GAS2: variants seen among roughly 807,000 people sequenced by gnomAD.
The protein encoded by GAS2 is growth arrest specific 2.
A neutral mutation model predicts 37.5 loss-of-function variants in GAS2; 20 were observed. The ratio of observed to expected loss-of-function variants is 0.53; its 90% confidence interval spans 0.37 to 0.77. The LOEUF (loss-of-function observed/expected upper bound fraction) is 0.77. Among genes scored for constraint, GAS2 ranks in the 30% least tolerant of loss-of-function variants. GAS2 has a pLI of 0.00. For missense variants in GAS2, 336 were observed against 373.4 expected (o/e 0.90, Z 0.82); for synonymous variants, 144 against 132.2 (o/e 1.09, Z -0.61).
At chr11:22,645,011 A>G (rs910888253) in intron 1 of GAS2, among the ~76,000 whole-genome samples, 2 of 152,170 alleles carry the variant, frequency 1.3e-5, no homozygotes, top group African/African-American at 4.8e-5. Flanking sequence ...TTGATGCTGT[A>G]CATAGAGGAG....
chr11:22,782,525 G>A (rs2134499921), intron 7 of GAS2, among the ~76,000 whole-genome samples: 1 of 152,076 alleles, frequency 6.6e-6, no homozygotes, highest in Non-Finnish European at 1.5e-5. Flanking sequence ...AGTAAGCATA[G>A]TATCCAACAG....
intron 6 of GAS2, among the ~76,000 whole-genome samples, chr11:22,755,028 G>T (rs971236894): frequency 6.6e-5 from 10 of 152,066 alleles, no homozygotes; most frequent in African/African-American, 2.4e-4. Flanking sequence ...AGAGTGGGTG[G>T]TTCCCCATCA....
intron 1 of GAS2, among the ~76,000 whole-genome samples, chr11:22,647,020 C>A (rs2133825076): frequency 6.6e-6 from 1 of 151,568 alleles, no homozygotes; most frequent in African/African-American, 2.4e-5. Context: ...GCACTGCACC[C>A]ACTAACTCGT....
chr11:22,800,361 A>G (rs546022809), intron 7 of GAS2, among the ~76,000 whole-genome samples: 1 of 152,082 alleles, frequency 6.6e-6, no homozygotes, highest in Non-Finnish European at 1.5e-5. Context: ...CACATTGCCA[A>G]TTTACTGTAA....
rs545247566 is a variant in GAS2, at chr11:22,719,173, G to C, written c.268-7119G>C. ...ATCACTCCACTTATTTTTTTCTGACGAGAACGTTTAAAATCTTCTCTCTTA... is the reference window on the plus strand; with the variant it reads ...ATCACTCCACTTATTTTTTTCTGACCAGAACGTTTAAAATCTTCTCTCTTA... On this transcript the variant is annotated intron_variant, in intron 3 of 7. Transcript: ENST00000454584. Among the ~76,000 whole-genome samples, 5 of 151,722 alleles carry C rather than the reference G, an allele frequency of 3.3e-5. No individual in the cohort carries two copies. The South Asian group carries it at 1.0e-3, about 32-fold the overall frequency.
intron 3 of GAS2, among the ~76,000 whole-genome samples, chr11:22,711,021 C>T (rs1590687176): frequency 6.6e-6 from 1 of 152,176 alleles, no homozygotes; most frequent in African/African-American, 2.4e-5. Context: ...TGGAGACTCA[C>T]ATTGTGAACT....
At chr11:22,700,084 A>T (rs1850752506) in intron 3 of GAS2, among the ~76,000 whole-genome samples, 1 of 151,632 alleles carries the variant, frequency 6.6e-6, no homozygotes, top group Non-Finnish European at 1.5e-5. Context: ...CTGCATGTTA[A>T]CCCCTCTTTC....
At chr11:22,668,859 T>C (rs1482383534) in intron 1 of GAS2, among the ~76,000 whole-genome samples, 1 of 152,170 alleles carries the variant, frequency 6.6e-6, no homozygotes, top group East Asian at 1.9e-4. Flanking sequence ...TTTGGTATCT[T>C]TGTGGTTTTG....
At chr11:22,694,089 A>G (rs927099280) in intron 3 of GAS2, among the ~76,000 whole-genome samples, 3 of 152,192 alleles carry the variant, frequency 2.0e-5, no homozygotes, top group African/African-American at 7.2e-5. Flanking sequence ...GGGTGATTAA[A>G]TAATCTGCAC....
chr11:22,763,800 G>A (rs1359210451), intron 7 of GAS2, among the ~76,000 whole-genome samples: 1 of 152,122 alleles, frequency 6.6e-6, no homozygotes, highest in Non-Finnish European at 1.5e-5. Flanking sequence ...AGTGCTCTAA[G>A]CCATAGTAAG....
At chr11:22,789,577 T>C (rs1236614205) in intron 7 of GAS2, among the ~76,000 whole-genome samples, 1 of 144,318 alleles carries the variant, frequency 6.9e-6, no homozygotes, top group Non-Finnish European at 1.5e-5. Context: ...TTCTCCTGCC[T>C]CAGCCTCCCG....
At chr11:22,757,804 A>G (rs1854132101) in intron 7 of GAS2, among the ~76,000 whole-genome samples, 1 of 152,172 alleles carries the variant, frequency 6.6e-6, no homozygotes, top group African/African-American at 2.4e-5. Context: ...TCTTGAACAT[A>G]TATTGATTGA....
intron 2 of GAS2, among the ~76,000 whole-genome samples, chr11:22,677,448 A>G (rs1438878087): frequency 6.6e-6 from 1 of 152,254 alleles, no homozygotes; most frequent in African/African-American, 2.4e-5. Context: ...AATCATATTA[A>G]GGAGCTTATA....
At chr11:22,656,250 T>C (rs1026933990) in intron 1 of GAS2, among the ~76,000 whole-genome samples, 2 of 152,236 alleles carry the variant, frequency 1.3e-5, no homozygotes, top group African/African-American at 4.8e-5. Flanking sequence ...CCTGAAACTT[T>C]TCATCATCTC....
chr11:22,706,867 G>A (rs954427839), intron 3 of GAS2, among the ~76,000 whole-genome samples: 4 of 152,170 alleles, frequency 2.6e-5, no homozygotes, highest in African/African-American at 9.6e-5. Context: ...GGATGGCTGG[G>A]TCAAATGGTA....
In GAS2 at chr11:22,766,519, C is replaced by T. The variant is rs143901647; in HGVS notation, c.723+10566C>T. Among the ~76,000 whole-genome samples, 80 of 152,268 alleles carry T rather than the reference C, an allele frequency of 5.3e-4. 1 individual carries two copies. Among genetic ancestry groups the T allele is most frequent in the African/African-American group, 1.9e-3 (79 of 41,562 alleles). On this transcript the variant is annotated intron_variant, in intron 7 of 7. Transcript: ENST00000454584. ...AATCCATTAGTAATTTACCTATACTCAATGCATAGCTCCTAGTTTGCTTAT... is the reference window on the plus strand; with the variant it reads ...AATCCATTAGTAATTTACCTATACTTAATGCATAGCTCCTAGTTTGCTTAT...
At position 22,644,479 on chromosome 11, in the gene GAS2, T is replaced by C. The variant is rs1045670650; in HGVS notation, c.-21+18666T>C. On this transcript the variant is annotated intron_variant, in intron 1 of 5. Coordinates refer to the GAS2 transcript ENST00000528582. Reference sequence around the variant, plus strand: ...ATTTGAGGGAACCACTCTAAGGGAATAGAGAGATATTTGAAGTCAAAACTA... The same window carrying C: ...ATTTGAGGGAACCACTCTAAGGGAACAGAGAGATATTTGAAGTCAAAACTA... Among the ~76,000 whole-genome samples the C allele has an allele frequency of 2.2e-4, 33 of 152,220 alleles. 1 individual carries two copies. The highest frequency in any genetic ancestry group is 2.1e-3 in the Admixed American group (32 of 15,282).
At chr11:22,697,328 G>T (rs192060585) in intron 3 of GAS2, among the ~76,000 whole-genome samples, 1 of 152,124 alleles carries the variant, frequency 6.6e-6, no homozygotes, top group South Asian at 2.1e-4. Context: ...CCAGTACCAT[G>T]CTGTTTTGGT....
intron 2 of GAS2, among the ~76,000 whole-genome samples, chr11:22,679,610 G>T (rs1357120334): frequency 6.6e-6 from 1 of 151,950 alleles, no homozygotes; most frequent in Admixed American, 6.6e-5. Flanking sequence ...ACTAAAATAA[G>T]CGTTCTCAAA....
Sources: gnomAD v4.1 joint callset for allele counts (sites outside exome capture counted in the v4.1 genomes callset) on GRCh38, gnomAD v4.1.1 for gene constraint, MANE v1.5 for transcripts, NCBI Gene and HGNC (gene_info 2026-07-23, HGNC 2026-07-21) for gene names.